Variants in DGKB observed in about 807,000 individuals in gnomAD.
DGKB encodes the protein 90 kDa diacylglycerol kinase.
Under a neutral mutation model 114.3 loss-of-function variants are expected in DGKB, and 67 were observed. That is an observed-to-expected ratio of 0.59 (90% CI 0.48 to 0.72). The LOEUF is 0.72. Among genes scored for constraint, DGKB ranks in the 30% least tolerant of loss-of-function variants. The probability of loss-of-function intolerance (pLI) is 0.00; values close to 1 mark genes in which losing one functional copy is unlikely to be tolerated. For missense variants in DGKB, 907 were observed against 975.2 expected (o/e 0.93, Z 0.93); for synonymous variants, 398 against 323.1 (o/e 1.23, Z -2.49).
intron 21 of DGKB, among the ~76,000 whole-genome samples, chr7:14,446,901 G>A (rs963875934): frequency 2.0e-5 from 3 of 152,110 alleles, no homozygotes; most frequent in Non-Finnish European, 2.9e-5. Context: ...CACCTGTATC[G>A]CCCCTGTGGT....
intron 1 of DGKB, among the ~76,000 whole-genome samples, chr7:14,867,704 T>C (rs1851885294): frequency 6.6e-6 from 1 of 152,194 alleles, no homozygotes; most frequent in South Asian, 2.1e-4. Flanking sequence ...CATTTTAATA[T>C]ATCGTAAAAC....
intron 23 of DGKB, among the ~76,000 whole-genome samples, chr7:14,198,007 AG>A (rs1258135626): frequency 6.6e-6 from 1 of 152,088 alleles, no homozygotes; most frequent in African/African-American, 2.4e-5. Flanking sequence ...GTGTGGGGAA[AG>A]GGTGAAAGAA....
At chr7:14,285,184 G>C (rs982725082) in intron 23 of DGKB, among the ~76,000 whole-genome samples, 1 of 152,004 alleles carries the variant, frequency 6.6e-6, no homozygotes, top group Non-Finnish European at 1.5e-5. Flanking sequence ...GCATCTCATT[G>C]ATTTGACCAT....
intron 1 of DGKB, among the ~76,000 whole-genome samples, chr7:14,920,160 T>G (rs1311409908): frequency 6.6e-6 from 1 of 152,078 alleles, no homozygotes; most frequent in Non-Finnish European, 1.5e-5. Context: ...AAAATGATAA[T>G]TTGGACATTA....
chr7:14,422,484 G>C (rs544215056), intron 21 of DGKB, among the ~76,000 whole-genome samples: 1 of 152,130 alleles, frequency 6.6e-6, no homozygotes, highest in Admixed American at 6.6e-5. Context: ...TTTGGCAGAA[G>C]ATCATGTAAT....
At chr7:14,442,732 G>T (rs1324478283) in intron 21 of DGKB, among the ~76,000 whole-genome samples, 2 of 151,664 alleles carry the variant, frequency 1.3e-5, no homozygotes, top group Admixed American at 6.6e-5. Flanking sequence ...TCTTTTTTGG[G>T]ATAAGATCAT....
chr7:14,566,915 T>A (rs943446150), intron 20 of DGKB, among the ~76,000 whole-genome samples: 1 of 151,444 alleles, frequency 6.6e-6, no homozygotes, highest in African/African-American at 2.4e-5. Flanking sequence ...GACTCTCAGA[T>A]CTACGGTTGA....
chr7:14,785,054 C>T (rs73682563), intron 2 of DGKB, among the ~76,000 whole-genome samples: 204 of 152,180 alleles, frequency 1.3e-3, no homozygotes, highest in African/African-American at 4.2e-3. Flanking sequence ...GAGGTCACAA[C>T]GTGCTTTCTA....
At chr7:14,177,938 A>C in intron 24 of DGKB, 93 bp downstream of exon 24, 1 of 1,319,318 alleles carries the variant, frequency 7.6e-7, no homozygotes, top group East Asian at 2.6e-5. Flanking sequence ...GAGCCCAAAG[A>C]AGACAATGTT....
At chr7:14,574,075 C>A in intron 20 of DGKB, 137 bp downstream of exon 20, 1 of 585,728 alleles carries the variant, frequency 1.7e-6, no homozygotes, top group Non-Finnish European at 2.9e-6. Flanking sequence ...ATAATAATTG[C>A]CTATTAGAAG....
chr7:14,440,155 C>T (rs550767233), intron 21 of DGKB, among the ~76,000 whole-genome samples: 4 of 152,212 alleles, frequency 2.6e-5, no homozygotes, highest in South Asian at 2.1e-4. Flanking sequence ...GAGGAGGTAA[C>T]GATTGGTCAG....
At chr7:14,651,235 G>A (rs1814415349) in intron 13 of DGKB, among the ~76,000 whole-genome samples, 1 of 152,126 alleles carries the variant, frequency 6.6e-6, no homozygotes, top group African/African-American at 2.4e-5. Flanking sequence ...GAACATTGAT[G>A]CAAAAAATCC....
At chr7:14,843,213 T>A (rs1321384188) in intron 1 of DGKB, among the ~76,000 whole-genome samples, 1 of 145,644 alleles carries the variant, frequency 6.9e-6, no homozygotes, top group African/African-American at 2.6e-5. Flanking sequence ...CAAGATTCTG[T>A]CTTAAAAAAA....
chr7:14,341,778 A>G (rs1811643378), intron 22 of DGKB, among the ~76,000 whole-genome samples: 1 of 151,900 alleles, frequency 6.6e-6, no homozygotes, highest in African/African-American at 2.4e-5. Context: ...AACAAGCTTT[A>G]TATGTGACTT....
chr7:14,946,643 C>G (rs1785899992), intron 1 of DGKB, among the ~76,000 whole-genome samples: 2 of 151,710 alleles, frequency 1.3e-5, no homozygotes, highest in Admixed American at 1.3e-4. Flanking sequence ...ACAAAGGAAT[C>G]TGTCATTATA....
chr7:14,250,411 A>G (rs180889735), intron 23 of DGKB, among the ~76,000 whole-genome samples: 168 of 152,144 alleles, frequency 1.1e-3, no homozygotes, highest in Non-Finnish European at 2.0e-3. Flanking sequence ...CTTTTATCCA[A>G]TGGTTGTTCA....
intron 6 of DGKB, among the ~76,000 whole-genome samples, chr7:14,702,614 G>C (rs572577149): frequency 6.6e-5 from 10 of 152,278 alleles, no homozygotes; most frequent in African/African-American, 2.4e-4. Context: ...GAGATAAATA[G>C]AGAAGACAGA....
At chr7:14,878,901 T>C (rs1286460695) in intron 1 of DGKB, among the ~76,000 whole-genome samples, 1 of 152,098 alleles carries the variant, frequency 6.6e-6, no homozygotes, top group Non-Finnish European at 1.5e-5. Context: ...GCATATAGGC[T>C]ATAGGTTACA....
chr7:14,938,054 C>T (rs1048956617), intron 1 of DGKB, among the ~76,000 whole-genome samples: 11 of 152,024 alleles, frequency 7.2e-5, no homozygotes, highest in Admixed American at 4.6e-4. Context: ...CGGATGGGTC[C>T]CCCTAACCCA....
Sources: allele counts gnomAD v4.1 joint callset (sites outside exome capture counted in the v4.1 genomes callset), GRCh38; gene constraint gnomAD v4.1.1; transcripts MANE v1.5; gene names NCBI Gene and HGNC (gene_info 2026-07-23, HGNC 2026-07-21).